Variants in RBM39 observed in about 807,000 individuals in gnomAD.
RBM39 encodes the protein RNA-binding protein 39.
A neutral mutation model predicts 79.6 loss-of-function variants in RBM39; 12 were observed. The observed-to-expected ratio is 0.15, with a 90% CI of 0.10 to 0.24. The LOEUF is 0.24. RBM39 is among the 10% of genes least tolerant of loss of function. The pLI is 1.00. For missense variants in RBM39, 243 were observed against 653.4 expected (o/e 0.37, Z 6.85); for synonymous variants, 185 against 208.4 (o/e 0.89, Z 0.97).
At chr20:35,718,214 A>G (rs1348536418) in intron 9 of RBM39, among the ~76,000 whole-genome samples, 1 of 152,104 alleles carries the variant, frequency 6.6e-6, no homozygotes, top group East Asian at 1.9e-4. Flanking sequence ...AAAAAGAAAC[A>G]AAGTTTATTT....
At chr20:35,739,221 C>G in intron 2 of RBM39, 2 of 597,356 alleles carry the variant, frequency 3.3e-6, no homozygotes, top group East Asian at 3.0e-5. Context: ...CATCAAGATA[C>G]AAAAATAAAA....
chr20:35,717,084 A>AG (rs1188314420), intron 9 of RBM39, among the ~76,000 whole-genome samples: 5 of 152,156 alleles, frequency 3.3e-5, no homozygotes, highest in African/African-American at 9.7e-5. Flanking sequence ...GTTTGGGACC[A>AG]GCCTGGCCAA....
intron 9 of RBM39, among the ~76,000 whole-genome samples, chr20:35,717,107 A>C: frequency 6.6e-6 from 1 of 152,028 alleles, no homozygotes; most frequent in Admixed American, 6.6e-5. Flanking sequence ...TGACGAAATC[A>C]GGTCTCCACC....
intron 12 of RBM39, among the ~76,000 whole-genome samples, chr20:35,711,287 A>G (rs1376532412): frequency 6.6e-6 from 1 of 152,220 alleles, no homozygotes; most frequent in Non-Finnish European, 1.5e-5. Flanking sequence ...CAATACAGGT[A>G]AACAGTTTTC....
intron 3 of RBM39, among the ~76,000 whole-genome samples, chr20:35,736,973 G>A (rs893475435): frequency 6.6e-6 from 1 of 151,180 alleles, no homozygotes; most frequent in Non-Finnish European, 1.5e-5. Context: ...TTAAGACGGA[G>A]TCTCAGTTGG....
chr20:35,714,042 T>C (rs960866393), intron 11 of RBM39, 143 bp downstream of exon 11: 2 of 734,942 alleles, frequency 2.7e-6, no homozygotes, highest in East Asian at 5.4e-5. Flanking sequence ...ACATCATCTA[T>C]AAAATAATAT....
At chr20:35,723,912 G>A (rs747168313) in intron 8 of RBM39, among the ~76,000 whole-genome samples, 29 of 152,138 alleles carry the variant, frequency 1.9e-4, no homozygotes, top group African/African-American at 6.5e-4. Flanking sequence ...GTGGTGGCAC[G>A]CACCTGTAGA....
chr20:35,714,097 C>A (rs1569004060), intron 11 of RBM39, 88 bp downstream of exon 11: 6 of 1,321,748 alleles, frequency 4.5e-6, no homozygotes, highest in Non-Finnish European at 6.4e-6. Flanking sequence ...AAGATAAAAT[C>A]TTTTTCCCTT....
intron 3 of RBM39, chr20:35,732,482 G>C (rs1426757876): frequency 4.4e-6 from 1 of 228,472 alleles, no homozygotes; most frequent in African/African-American, 2.3e-5. Context: ...CTCAAACCCG[G>C]GAAGCGGAGG....
intron 3 of RBM39, among the ~76,000 whole-genome samples, chr20:35,735,533 T>C (rs1038083751): frequency 6.6e-6 from 1 of 152,218 alleles, no homozygotes; most frequent in African/African-American, 2.4e-5. Context: ...TTTAAGACAA[T>C]GAAGTTTTAG....
At chr20:35,734,801 GA>G in intron 3 of RBM39, 1 of 1,377,198 alleles carries the variant, frequency 7.3e-7, no homozygotes, top group Non-Finnish European at 9.4e-7. Flanking sequence ...AAGGGTGCAA[GA>G]AACCAGTATA....
At chr20:35,709,190 G>A in intron 13 of RBM39, 34 bp downstream of exon 13, 3 of 1,550,220 alleles carry the variant, frequency 1.9e-6, no homozygotes, top group Non-Finnish European at 2.6e-6. Flanking sequence ...CTATTTCAAA[G>A]ACAAAAATAA....
Position 35,721,896 on chromosome 20 carries a change from G to C in RBM39, c.688-19C>G. 6.2e-7 allele frequency: 1 copy of C among 1,609,758 alleles called. No homozygotes were observed. The highest frequency in any genetic ancestry group is 8.5e-7 in the Non-Finnish European group (1 of 1,176,530). ...TTTCTGCCTAGAAGACAAAATACACGTCACACAGAGATAACACACAGCAGT... is the reference window on the plus strand; with the variant it reads ...TTTCTGCCTAGAAGACAAAATACACCTCACACAGAGATAACACACAGCAGT... On this transcript the variant is annotated intron_variant, in intron 8 of 16. Transcript: ENST00000253363.
In RBM39 at chr20:35,716,847, T is replaced by A. The variant is rs748740613; in HGVS notation, c.826-42A>T. The A allele has an allele frequency of 6.0e-6, 8 of 1,334,990 alleles. No individual in the cohort carries two copies. The East Asian group carries it at 1.7e-4, about 28-fold the overall frequency. The allele number at this position is 1,334,990 out of a possible 1,614,324, so 82.7% of individuals were successfully genotyped here. On this transcript the variant is annotated intron_variant, in intron 9 of 16. Coordinates refer to ENST00000253363, the MANE Select transcript of RBM39 (RefSeq NM_184234.3). ...TAATTACTATAACTTAAAAGCAGAG[T>A]ACAAAACTACTTTCTTCCCTGAGAC...
chr20:35,712,941 C>CT, intron 12 of RBM39, 78 bp downstream of exon 12: 2 of 1,180,740 alleles, frequency 1.7e-6, no homozygotes, highest in Admixed American at 2.4e-5. Context: ...TCAGTAAGTC[C>CT]TTTTAAATGT....
intron 14 of RBM39, among the ~76,000 whole-genome samples, chr20:35,706,852 A>AC (rs1447874690): frequency 2.0e-5 from 3 of 151,828 alleles, no homozygotes; most frequent in Non-Finnish European, 4.4e-5. Context: ...ACATGGTGAA[A>AC]CCCCATCTCT....
At chr20:35,734,797 GCAAGAAAC>G in intron 3 of RBM39, 1 of 1,371,624 alleles carries the variant, frequency 7.3e-7, no homozygotes, top group Admixed American at 3.5e-5. Context: ...CTACAAGGGT[GCAAGAAAC>G]CAGTATATTT....
chr20:35,719,811 C>A (rs1261371517), intron 9 of RBM39, among the ~76,000 whole-genome samples: 4 of 152,028 alleles, frequency 2.6e-5, no homozygotes, highest in Non-Finnish European at 5.9e-5. Context: ...TTTTTCTTTT[C>A]TTTCGGAGAC....
chr20:35,717,266 C>A (rs1199440253), intron 9 of RBM39, among the ~76,000 whole-genome samples: 1 of 148,956 alleles, frequency 6.7e-6, no homozygotes, highest in Non-Finnish European at 1.5e-5. Context: ...GACAACAGAG[C>A]GAGACTTGGT....
Sources: allele counts gnomAD v4.1 joint callset (sites outside exome capture counted in the v4.1 genomes callset), GRCh38; gene constraint gnomAD v4.1.1; transcripts MANE v1.5; gene names NCBI Gene and HGNC (gene_info 2026-07-23, HGNC 2026-07-21).